Variants in CPNE4 observed in about 807,000 individuals in gnomAD.
CPNE4 encodes copine 4.
In CPNE4, 25 loss-of-function variants were observed where a neutral mutation model predicts 67.9. The observed-to-expected ratio is 0.37, with a 90% confidence interval of 0.27 to 0.51. The LOEUF (loss-of-function observed/expected upper bound fraction) is 0.51. Ranked by LOEUF, CPNE4 falls within the 20% of genes least tolerant of loss-of-function variation. CPNE4 has a pLI of 0.93. For missense variants in CPNE4, 464 were observed against 690.8 expected, an observed-to-expected ratio of 0.67 and a Z score of 3.68; for synonymous variants, 242 against 244.9, an observed-to-expected ratio of 0.99 and a Z score of 0.11.
intron 1 of CPNE4, among the ~76,000 whole-genome samples, chr3:132,014,875 C>G (rs1014785449): frequency 4.6e-5 from 7 of 152,028 alleles, no homozygotes; most frequent in African/African-American, 1.2e-4. Context: ...TTTTGTTTAA[C>G]CAAGAATATT....
At chr3:131,721,513 A>C (rs1382708161) in intron 3 of CPNE4, among the ~76,000 whole-genome samples, 1 of 149,800 alleles carries the variant, frequency 6.7e-6, no homozygotes, top group African/African-American at 2.5e-5. Flanking sequence ...CTCCTGCCTC[A>C]GCCTCACGAG....
chr3:131,597,335 T>A (rs1938941401), intron 7 of CPNE4, among the ~76,000 whole-genome samples: 1 of 152,102 alleles, frequency 6.6e-6, no homozygotes, highest in South Asian at 2.1e-4. Context: ...AGGAGAGGGA[T>A]AACATTAGGA....
At chr3:131,746,878 A>G (rs1039642737) in intron 2 of CPNE4, among the ~76,000 whole-genome samples, 1 of 152,148 alleles carries the variant, frequency 6.6e-6, no homozygotes. Context: ...ATTAACTTAC[A>G]TTCTCACCAG....
At chr3:131,678,078 C>T (rs2080634037) in intron 6 of CPNE4, among the ~76,000 whole-genome samples, 1 of 152,084 alleles carries the variant, frequency 6.6e-6, no homozygotes, top group South Asian at 2.1e-4. Flanking sequence ...GAATAATTTG[C>T]CATTTCTTTG....
chr3:131,955,548 G>A (rs1560674879), intron 1 of CPNE4, among the ~76,000 whole-genome samples: 1 of 151,140 alleles, frequency 6.6e-6, no homozygotes, highest in Admixed American at 6.6e-5. Context: ...CAGGGCTTGG[G>A]AAATGGCTTC....
intron 1 of CPNE4, among the ~76,000 whole-genome samples, chr3:131,912,521 G>A (rs118123503): frequency 1.3e-5 from 2 of 152,244 alleles, no homozygotes; most frequent in East Asian, 1.9e-4. Context: ...CAAGAAACGT[G>A]TATAAGGGAT....
At chr3:131,669,129 G>A (rs953417222) in intron 7 of CPNE4, among the ~76,000 whole-genome samples, 26 of 152,072 alleles carry the variant, frequency 1.7e-4, no homozygotes, top group African/African-American at 6.0e-4. Flanking sequence ...AGAGCCATAT[G>A]GCCCCACCCC....
intron 1 of CPNE4, among the ~76,000 whole-genome samples, chr3:131,966,011 T>A (rs2072332705): frequency 6.6e-6 from 1 of 152,146 alleles, no homozygotes; most frequent in African/African-American, 2.4e-5. Context: ...ATGGAAATCA[T>A]AACAAACAGT....
At chr3:131,974,955 C>T (rs773759456) in intron 1 of CPNE4, among the ~76,000 whole-genome samples, 2 of 152,004 alleles carry the variant, frequency 1.3e-5, no homozygotes, top group Admixed American at 6.5e-5. Context: ...TTCCCATGAG[C>T]GGAGATTGCA....
rs1935012778 is a variant in CPNE4, at chr3:131,534,128, C to T, written c.*1067G>A. ...TATTGTTGTGGTTCCAGTGAAGACG[C>T]TTTGAGATCACTTCTAGGGATTGAC... On this transcript the variant is annotated 3_prime_UTR_variant, in exon 16 of 16. Transcript: ENST00000429747. 6.6e-6 allele frequency: 1 copy of T among 152,214 alleles called. No homozygotes were observed. 9.4% of individuals were successfully genotyped at this position (152,214 alleles called of 1,614,324 possible). A position where few individuals can be genotyped will look rare whatever the true frequency, so the allele number is the denominator to read the frequency against.
intron 1 of CPNE4, among the ~76,000 whole-genome samples, chr3:131,962,427 C>T (rs1225067): frequency 0.061 from 9,336 of 152,248 alleles, 410 homozygotes; most frequent in Admixed American, 0.14. Flanking sequence ...CAATGCACCA[C>T]CACCACAACA....
At chr3:131,827,874 T>C (rs1233445519) in intron 2 of CPNE4, among the ~76,000 whole-genome samples, 1 of 151,998 alleles carries the variant, frequency 6.6e-6, no homozygotes, top group Non-Finnish European at 1.5e-5. Flanking sequence ...TGGTACCTTG[T>C]ATGATTTTCC....
At chr3:132,025,245 AAAC>A (rs2107694788) in intron 1 of CPNE4, among the ~76,000 whole-genome samples, 1 of 152,316 alleles carries the variant, frequency 6.6e-6, no homozygotes, top group African/African-American at 2.4e-5. Context: ...AGGGCAGGGG[AAAC>A]AAAGTCAAAT....
At chr3:131,711,171 T>C (rs1477165527) in intron 3 of CPNE4, among the ~76,000 whole-genome samples, 5 of 152,186 alleles carry the variant, frequency 3.3e-5, no homozygotes, top group Non-Finnish European at 7.4e-5. Context: ...AACTGAGTCA[T>C]AGGTTACCCT....
chr3:132,011,160 T>G (rs2073752087), intron 1 of CPNE4, among the ~76,000 whole-genome samples: 1 of 152,206 alleles, frequency 6.6e-6, no homozygotes, highest in South Asian at 2.1e-4. Context: ...GAGGCACTCT[T>G]GAGCCAAAGT....
chr3:131,871,881 C>T (rs2087224682), intron 2 of CPNE4, among the ~76,000 whole-genome samples: 1 of 152,164 alleles, frequency 6.6e-6, no homozygotes, highest in East Asian at 1.9e-4. Flanking sequence ...CCAGCAGGAA[C>T]ACTATCGCCT....
At chr3:131,537,180 T>A (rs191105957) in intron 15 of CPNE4, among the ~76,000 whole-genome samples, 166 of 152,244 alleles carry the variant, frequency 1.1e-3, no homozygotes, top group African/African-American at 3.6e-3. Context: ...AGTAAAAGTA[T>A]TAAATATGAA....
At chr3:131,551,457 AT>A (rs1418129739) in intron 13 of CPNE4, among the ~76,000 whole-genome samples, 1 of 152,104 alleles carries the variant, frequency 6.6e-6, no homozygotes, top group Non-Finnish European at 1.5e-5. Context: ...CAGGGTTTAT[AT>A]TTCATTCTGC....
chr3:131,922,192 A>G (rs578083572), intron 1 of CPNE4, among the ~76,000 whole-genome samples: 3 of 152,178 alleles, frequency 2.0e-5, no homozygotes, highest in East Asian at 1.9e-4. Flanking sequence ...CTGTTCCTAC[A>G]TTAATTCACT....
Sources: gnomAD v4.1 joint callset for allele counts (sites outside exome capture counted in the v4.1 genomes callset) on GRCh38, gnomAD v4.1.1 for gene constraint, MANE v1.5 for transcripts, NCBI Gene and HGNC (gene_info 2026-07-23, HGNC 2026-07-21) for gene names.